SSRP1: variants seen among roughly 807,000 people sequenced by gnomAD.
SSRP1 encodes the protein structure specific recognition protein 1.
Under a neutral mutation model 84.4 loss-of-function variants are expected in SSRP1, and 21 were observed. The ratio of observed to expected loss-of-function variants is 0.25; its 90% CI spans 0.18 to 0.36. The LOEUF (loss-of-function observed/expected upper bound fraction) is 0.36, where lower values mean the gene tolerates loss of function less well. Among genes scored for constraint, SSRP1 ranks in the 10% least tolerant of loss-of-function variants. The probability of loss-of-function intolerance (pLI) is 1.00; values close to 1 mark genes in which losing one functional copy is unlikely to be tolerated. For missense variants in SSRP1, 519 were observed against 900.8 expected (o/e 0.58, Z 5.43); for synonymous variants, 319 against 318.3 (o/e 1.00, Z -0.02).
chr11:57,327,878 TTC>T lies in SSRP1; in HGVS notation c.1614_1615del (p.Lys539GlufsTer62). 6.2e-7 allele frequency: 1 copy of T among 1,613,496 alleles called. No homozygotes were observed. Among genetic ancestry groups the T allele is most frequent in the Non-Finnish European group, 8.5e-7 (1 of 1,179,660 alleles). On this transcript the variant is annotated frameshift_variant and splice_region_variant, in exon 14 of 17. Coordinates refer to ENST00000278412, the MANE Select transcript of SSRP1 (RefSeq NM_003146.3). LOFTEE classifies it high-confidence loss of function. ...GGGGGCATTGGGGTCTTTGCCCTTC[TTC>T]ACCTACATAAGAACCCAAATGCCTT...
In SSRP1 at chr11:57,332,205, C is replaced by A. The variant is rs749398450; in HGVS notation, c.948G>T (p.Arg316=). The change falls in exon 8 of 17, where the codon CGG becomes CGT. Residue 316 remains arginine (R), a synonymous_variant. Coordinates refer to ENST00000278412, the MANE Select transcript of SSRP1 (RefSeq NM_003146.3). This position sits in a 1 kb window ranked among gnomAD's most constrained non-coding sequence, Gnocchi z 5.5. ...TGCGGTTTACCAGTGCTTTCATGAC[C>A]CGGCTGACCATCTCATAGAGGGATC... ...MSGSLYEMVS[R]VMKALVNRKI... 3.7e-6 allele frequency: 6 copies of A among 1,613,822 alleles called. No homozygotes were observed. The African/African-American group carries it at 5.3e-5, about 14-fold the overall frequency.
chr11:57,333,722 G>A (rs918573764), intron 3 of SSRP1, among the ~76,000 whole-genome samples, 182 bp from the exon 4 acceptor site: 15 of 152,198 alleles, frequency 9.9e-5, no homozygotes, highest in African/African-American at 3.4e-4. Flanking sequence ...CTAGCCACTG[G>A]ATCTGACATT....
At chr11:57,331,032 G>C in intron 9 of SSRP1, 105 bp from the exon 10 acceptor site, 1 of 1,308,094 alleles carries the variant, frequency 7.6e-7, no homozygotes, top group Non-Finnish European at 1.1e-6. Context: ...GGAGCCTGGA[G>C]CTCTTGACTA....
chr11:57,328,184 G>A (rs1180209787), intron 13 of SSRP1, 113 bp downstream of exon 13: 4 of 1,486,072 alleles, frequency 2.7e-6, no homozygotes, highest in East Asian at 4.5e-5. Flanking sequence ...ATAAAAAACA[G>A]CCCCAAGGAA....
chr11:57,333,392 A>G lies in SSRP1; in HGVS notation c.346+43T>C, dbSNP rs780027566. ...AACAAGTAAAAGGCTGAAACCCTTCACCCTATCTTCCTCCCCAAACCTCAG... is the reference window on the plus strand; with the variant it reads ...AACAAGTAAAAGGCTGAAACCCTTCGCCCTATCTTCCTCCCCAAACCTCAG... On this transcript the variant is annotated intron_variant, in intron 4 of 16. Coordinates refer to ENST00000278412, the MANE Select transcript of SSRP1 (RefSeq NM_003146.3). 2.0e-6 allele frequency: 3 copies of G among 1,526,100 alleles called. No individual in the cohort carries two copies. In the African/African-American group the frequency reaches 4.1e-5, roughly 21 times the overall value. 94.5% of individuals were successfully genotyped at this position (1,526,100 alleles called of 1,614,324 possible).
intron 15 of SSRP1, chr11:57,327,168 A>AT: frequency 1.5e-6 from 1 of 659,708 alleles, no homozygotes; most frequent in Non-Finnish European, 2.5e-6. Flanking sequence ...ACTGCACTCC[A>AT]TAATAGTATT....
At chr11:57,328,216 G>A (rs182065026) in intron 13 of SSRP1, 81 bp downstream of exon 13, 1,637 of 1,558,732 alleles carry the variant, frequency 1.1e-3, no homozygotes, top group Non-Finnish European at 1.3e-3. Flanking sequence ...ACTGGTGGTG[G>A]ACAGGAGAAG....
Position 57,326,706 on chromosome 11 carries a change from G to T in SSRP1, c.2055C>A (p.Ser685Arg). 2 of 1,612,584 alleles carry T rather than the reference G, an allele frequency of 1.2e-6. No homozygotes were observed. Among genetic ancestry groups the T allele is most frequent in the Non-Finnish European group, 1.7e-6 (2 of 1,179,172 alleles). The stretch of plus-strand genomic sequence containing the variant: ...AGGCCCCACATTCCTGCCGCACCTC[G>T]CTCCTCCTCCTCTTCTTTTTGCTCT... ...ENKSKKKRRR[S>R]EDSEEEELAS... Residue 685 changes from serine (S) to arginine (R), a missense_variant, in exon 16 of 17, where the codon AGC (serine) becomes AGA (arginine). Transcript: ENST00000278412.
intron 8 of SSRP1, 34 bp from the exon 9 acceptor site, chr11:57,331,923 A>C (rs1038037680): frequency 2.1e-5 from 33 of 1,586,340 alleles, no homozygotes; most frequent in Non-Finnish European, 2.8e-5. Context: ...GGTTAGTGCC[A>C]ACCTCAGCAG....
Position 57,335,139 on chromosome 11 carries a change from G to A in SSRP1, c.-18C>T. ...TCTGCCATGTCGACCCCTGCCTGTG[G>A]TGGCCTGGGCAGAGCCCCAGGCTGC... is the stretch of plus-strand genomic sequence containing the variant. On this transcript the variant is annotated 5_prime_UTR_variant, in exon 2 of 17. Transcript: ENST00000278412. This position sits in a 1 kb window ranked among gnomAD's most constrained non-coding sequence, Gnocchi z 4.6. The A allele has an allele frequency of 6.2e-7, 1 of 1,614,012 alleles. No homozygotes were observed. Among genetic ancestry groups the A allele is most frequent in the African/African-American group, 1.3e-5 (1 of 75,060 alleles).
chr11:57,326,932 CT>C, intron 15 of SSRP1, 43 bp from the exon 16 acceptor site: 1 of 1,517,336 alleles, frequency 6.6e-7, no homozygotes, highest in Non-Finnish European at 8.8e-7. Context: ...TTCAGGTCCC[CT>C]GTCACCATGA....
At position 57,333,330 on chromosome 11, in the gene SSRP1, T is replaced by G. The variant is rs954286619; in HGVS notation, c.346+105A>C. Reference sequence around the variant, plus strand: ...AACACATGATGAACATGCAAATAGATAGGAAACCAGAGACAGTGGCAGAGG... The same window carrying G: ...AACACATGATGAACATGCAAATAGAGAGGAAACCAGAGACAGTGGCAGAGG... On this transcript the variant is annotated intron_variant, in intron 4 of 16. Transcript: ENST00000278412. The G allele has an allele frequency of 3.2e-5, 38 of 1,186,234 alleles. No homozygotes were observed. In the African/African-American group the frequency reaches 5.0e-4, roughly 16 times the overall value. 73.5% of individuals were successfully genotyped at this position (1,186,234 alleles called of 1,614,324 possible). A position where few individuals can be genotyped will look rare whatever the true frequency, so the allele number is the denominator to read the frequency against.
At chr11:57,327,277 A>C (rs1454646562) in intron 15 of SSRP1, 149 bp downstream of exon 15, 1 of 820,054 alleles carries the variant, frequency 1.2e-6, no homozygotes, top group Admixed American at 2.3e-5. Context: ...ATACTTGGGC[A>C]ATGGCCTACC....
At chr11:57,327,338 T>G in intron 15 of SSRP1, 88 bp downstream of exon 15, 2 of 1,373,182 alleles carry the variant, frequency 1.5e-6, no homozygotes, top group Non-Finnish European at 2.1e-6. Flanking sequence ...TCTGCTGTCT[T>G]TAACTTTCCA....
In SSRP1 at chr11:57,326,704, T is replaced by A; in HGVS notation, c.2057A>T (p.Glu686Val). ...NKSKKKRRRS[E>V]DSEEEELAST... ...ACAGGCCCCACATTCCTGCCGCACC[T>A]CGCTCCTCCTCCTCTTCTTTTTGCT... Residue 686 changes from glutamate to valine, a missense_variant and splice_region_variant, in exon 16 of 17, where the codon GAG becomes GTG. This residue lies in a region of SSRP1 where 197 missense variants were observed against 265.0 expected (regional missense o/e 0.74). Coordinates refer to ENST00000278412, the MANE Select transcript of SSRP1 (RefSeq NM_003146.3). 6.2e-7 allele frequency: 1 copy of A among 1,612,770 alleles called. No individual in the cohort carries two copies. The highest frequency in any genetic ancestry group is 8.5e-7 in the Non-Finnish European group (1 of 1,179,158).
intron 13 of SSRP1, 50 bp downstream of exon 13, chr11:57,328,240 CTCCCACG>C: frequency 6.3e-7 from 1 of 1,590,880 alleles, no homozygotes; most frequent in Admixed American, 1.7e-5. Flanking sequence ...AAGAGAATGC[CTCCCACG>C]CCCCCCACCC....
Position 57,327,883 on chromosome 11 carries a change from C to G in SSRP1, c.1612-1G>C. ...CATTGGGGTCTTTGCCCTTCTTCAC[C>G]TACATAAGAACCCAAATGCCTTCAG... On this transcript the variant is annotated splice_acceptor_variant, in intron 13 of 16. Transcript: ENST00000278412. LOFTEE classifies it high-confidence loss of function. The G allele has an allele frequency of 6.2e-7, 1 of 1,612,982 alleles. No homozygotes were observed.
chr11:57,334,943 G>A, intron 2 of SSRP1, 125 bp downstream of exon 2: 1 of 1,129,480 alleles, frequency 8.9e-7, no homozygotes, highest in South Asian at 1.3e-5. Flanking sequence ...GGAGACACTA[G>A]GTACACATTA....
chr11:57,329,343 G>A (rs768101834), intron 12 of SSRP1: 1 of 152,464 alleles, frequency 6.6e-6, no homozygotes, highest in Non-Finnish European at 1.5e-5. Flanking sequence ...GGCTCTAAGG[G>A]TGGGCACTTG....
Sources: allele counts gnomAD v4.1 joint callset (sites outside exome capture counted in the v4.1 genomes callset), GRCh38; gene constraint gnomAD v4.1.1; regional missense constraint gnomAD v4.1.1; non-coding constraint Gnocchi (gnomAD v3.1); transcripts MANE v1.5; gene names NCBI Gene and HGNC (gene_info 2026-07-23, HGNC 2026-07-21).